The following HTT variants were observed in gnomAD, a reference collection of about 807,000 sequenced individuals.
HTT encodes huntington disease protein.
A neutral mutation model predicts 362.3 loss-of-function variants in HTT; 104 were observed. That is an observed-to-expected ratio of 0.29 (90% confidence interval 0.24 to 0.34). The LOEUF (loss-of-function observed/expected upper bound fraction) is 0.34. Among genes scored for constraint, HTT ranks in the 10% least tolerant of loss-of-function variants. The pLI is 1.00. For synonymous variants in HTT, 1,577 were observed against 1,548.7 expected (o/e 1.02, Z -0.43); for missense variants, 3,301 against 3,928.6 (o/e 0.84, Z 4.27).
chr4:3,080,217 C>T (rs2110135243), intron 1 of HTT, among the ~76,000 whole-genome samples: 1 of 152,124 alleles, frequency 6.6e-6, no homozygotes, highest in South Asian at 2.1e-4. Flanking sequence ...GCCTCAGCCT[C>T]CCAAGTAACT....
chr4:3,235,218 A>G, intron 61 of HTT, 66 bp from the exon 62 acceptor site: 2 of 1,129,044 alleles, frequency 1.8e-6, no homozygotes, highest in South Asian at 1.3e-5. Context: ...GGGGCCGGAC[A>G]TGCTGTGAAG....
rs1278485444 is a variant in HTT, at chr4:3,235,843, T to C, written c.8785+65T>C. The stretch of plus-strand genomic sequence containing the variant: ...CTGTTCAAGGGAGGCAGGAGCATGC[T>C]CACTCAAGGGACCTCGACTAGGTGC... On this transcript the variant is annotated intron_variant, in intron 63 of 66. Coordinates refer to ENST00000355072, the MANE Select transcript of HTT (RefSeq NM_001388492.1). 7 of 1,285,834 alleles carry C rather than the reference T, an allele frequency of 5.4e-6. No individual in the cohort carries two copies. The East Asian group carries it at 1.7e-4, about 31-fold the overall frequency. 79.7% of individuals were successfully genotyped at this position (1,285,834 alleles called of 1,614,324 possible). A position where few individuals can be genotyped will look rare whatever the true frequency, so the allele number is the denominator to read the frequency against.
At chr4:3,109,083 T>A (rs903513482) in intron 6 of HTT, among the ~76,000 whole-genome samples, 7 of 151,520 alleles carry the variant, frequency 4.6e-5, no homozygotes, top group East Asian at 1.9e-4. Context: ...ATATATATAT[T>A]ATCAATGAAA....
intron 29 of HTT, among the ~76,000 whole-genome samples, chr4:3,163,919 A>C (rs138759391): frequency 0.013 from 1,986 of 148,498 alleles, 12 homozygotes; most frequent in Non-Finnish European, 0.02. Flanking sequence ...TCGTGTCTCT[A>C]TCTCCTTCAG....
intron 3 of HTT, among the ~76,000 whole-genome samples, chr4:3,101,947 T>A (rs1364864405): frequency 6.6e-6 from 1 of 152,096 alleles, no homozygotes; most frequent in African/African-American, 2.4e-5. Context: ...TCTCAAGGGG[T>A]GCCAGGAAGC....
intron 37 of HTT, among the ~76,000 whole-genome samples, chr4:3,183,188 T>C (rs1718608731): frequency 1.3e-5 from 2 of 152,238 alleles, no homozygotes; most frequent in South Asian, 4.1e-4. Flanking sequence ...GGCCTATTCA[T>C]CACTAATCAG....
chr4:3,133,024 CAGT>C (rs1377908863), intron 18 of HTT, 113 bp downstream of exon 18: 1 of 786,124 alleles, frequency 1.3e-6, no homozygotes, highest in Non-Finnish European at 2.2e-6. Context: ...AAGCTGTAAC[CAGT>C]AATACCCACC....
At chr4:3,232,278 C>G (rs941143290) in intron 60 of HTT, among the ~76,000 whole-genome samples, 1 of 152,168 alleles carries the variant, frequency 6.6e-6, no homozygotes, top group African/African-American at 2.4e-5. Context: ...CCGGCCATTT[C>G]CCCTGCGGAG....
rs576122571 is a variant in HTT, at chr4:3,148,963, GA to G, written c.3498+763del. On this transcript the variant is annotated intron_variant, in intron 26 of 66. Coordinates refer to ENST00000355072, the MANE Select transcript of HTT (RefSeq NM_001388492.1). ...CAGAGTCAGACTCTTTCCAAAAGAA[GA>G]AAAAAATGTGACCATGTGTTTTATA... is the stretch of plus-strand genomic sequence containing the variant. Among the ~76,000 whole-genome samples, 146 of 152,264 alleles carry G rather than the reference GA, an allele frequency of 9.6e-4. 1 individual carries two copies. In the South Asian group the frequency reaches 0.029, roughly 30 times the overall value.
chr4:3,083,740 T>G (rs1003370049), intron 1 of HTT, among the ~76,000 whole-genome samples: 1 of 152,190 alleles, frequency 6.6e-6, no homozygotes, highest in Admixed American at 6.5e-5. Flanking sequence ...GTCATAAAAC[T>G]GAACATACCG....
At chr4:3,100,407 A>G (rs965700492) in intron 3 of HTT, among the ~76,000 whole-genome samples, 6 of 152,056 alleles carry the variant, frequency 3.9e-5, no homozygotes, top group African/African-American at 1.2e-4. Flanking sequence ...TGCCCAGGGA[A>G]TCTTTGCTTT....
At chr4:3,079,666 T>C (rs961236787) in intron 1 of HTT, among the ~76,000 whole-genome samples, 2 of 152,148 alleles carry the variant, frequency 1.3e-5, no homozygotes, top group African/African-American at 4.8e-5. Flanking sequence ...AATAAAGATA[T>C]TGGCATTTAT....
chr4:3,212,945 C>T, intron 49 of HTT: 1 of 505,444 alleles, frequency 2.0e-6, no homozygotes, highest in East Asian at 3.2e-5. Flanking sequence ...CTCATCTGCA[C>T]CTACCATGTT....
chr4:3,139,414 T>A (rs954378470), intron 21 of HTT, among the ~76,000 whole-genome samples: 1 of 152,132 alleles, frequency 6.6e-6, no homozygotes, highest in African/African-American at 2.4e-5. Flanking sequence ...GCCGGGCTGA[T>A]CTTGAACTCC....
chr4:3,146,205 A>G (rs1465471548), intron 24 of HTT, among the ~76,000 whole-genome samples: 3 of 152,172 alleles, frequency 2.0e-5, no homozygotes, highest in African/African-American at 7.2e-5. Context: ...TTGGAGTTCA[A>G]TGCTTGGTAG....
intron 44 of HTT, 27 bp from the exon 45 acceptor site, chr4:3,207,254 A>G: frequency 1.2e-6 from 2 of 1,603,726 alleles, no homozygotes; most frequent in Non-Finnish European, 1.7e-6. Context: ...GGTGTTACAA[A>G]CACACTAATG....
At chr4:3,081,822 G>T (rs186609629) in intron 1 of HTT, among the ~76,000 whole-genome samples, 11 of 151,516 alleles carry the variant, frequency 7.3e-5, no homozygotes. Flanking sequence ...CTCCCAAAGT[G>T]CTGGGATTAC....
intron 53 of HTT, among the ~76,000 whole-genome samples, chr4:3,221,292 C>G (rs1217838799): frequency 6.6e-6 from 1 of 152,204 alleles, no homozygotes; most frequent in Non-Finnish European, 1.5e-5. Flanking sequence ...TACCTCACGC[C>G]AGCTGCCTCA....
At position 3,134,397 on chromosome 4, in the gene HTT, C is replaced by A. The variant is rs1025218328; in HGVS notation, c.2494-4C>A. On this transcript the variant is annotated splice_polypyrimidine_tract_variant and splice_region_variant and intron_variant, in intron 18 of 66. Coordinates refer to ENST00000355072, the MANE Select transcript of HTT (RefSeq NM_001388492.1). ...GTCCTCTTGCCTTGGACCTTGTGTTCCAGAACTGTGTCATGAGTCTCTGCA... is the reference window on the plus strand; with the variant it reads ...GTCCTCTTGCCTTGGACCTTGTGTTACAGAACTGTGTCATGAGTCTCTGCA... 1 of 1,612,736 alleles carries A rather than the reference C, an allele frequency of 6.2e-7. No individual in the cohort carries two copies. Among genetic ancestry groups the A allele is most frequent in the Admixed American group, 1.7e-5 (1 of 59,860 alleles).
Sources: allele counts gnomAD v4.1 joint callset (sites outside exome capture counted in the v4.1 genomes callset), GRCh38; gene constraint gnomAD v4.1.1; transcripts MANE v1.5; gene names NCBI Gene and HGNC (gene_info 2026-07-23, HGNC 2026-07-21).